XKR9: variants seen among roughly 807,000 people sequenced by gnomAD.
XKR9 encodes the protein XK related 9, also known as XK-related protein 9.
Under a neutral mutation model 32.0 loss-of-function variants are expected in XKR9, and 32 were observed. That is an observed-to-expected ratio of 1.00 (90% confidence interval 0.76 to 1.34). The LOEUF (loss-of-function observed/expected upper bound fraction) is 1.34, where lower values mean the gene tolerates loss of function less well. Ranked by LOEUF, XKR9 falls within the 40% of genes most tolerant of loss-of-function variation. The pLI, the probability that XKR9 is intolerant of heterozygous loss-of-function variation, is 0.00. For missense variants in XKR9, 546 were observed against 429.7 expected (o/e 1.27, Z -2.39); for synonymous variants, 168 against 143.4 (o/e 1.17, Z -1.22).
At chr8:70,915,722 A>C in the XKR9 span, among the ~76,000 whole-genome samples, 1 of 152,188 alleles carries the variant, frequency 6.6e-6, no homozygotes, top group Admixed American at 6.5e-5. Context: ...ATTTAAAGGA[A>C]ACTAAAATAT....
At chr8:70,677,552 G>A (rs1012009048) in intron 2 of XKR9, among the ~76,000 whole-genome samples, 3 of 152,138 alleles carry the variant, frequency 2.0e-5, no homozygotes, top group Non-Finnish European at 4.4e-5. Flanking sequence ...CAATAATAAT[G>A]TGTATTCTAT....
chr8:70,767,753 A>G (rs1433172453), intron 2 of XKR9, among the ~76,000 whole-genome samples: 2 of 151,774 alleles, frequency 1.3e-5, no homozygotes, highest in East Asian at 3.9e-4. Flanking sequence ...TGCCTGTTTC[A>G]GCCTCCCAAA....
At chr8:70,897,133 G>A in the XKR9 span, among the ~76,000 whole-genome samples, 1 of 152,076 alleles carries the variant, frequency 6.6e-6, no homozygotes, top group African/African-American at 2.4e-5. Flanking sequence ...GAGAACATGT[G>A]ATGTTTGTCT....
At chr8:70,782,157 C>A (rs1238675185) in intron 2 of XKR9, among the ~76,000 whole-genome samples, 1 of 152,150 alleles carries the variant, frequency 6.6e-6, no homozygotes, top group Admixed American at 6.6e-5. Flanking sequence ...TGTGAAGCAG[C>A]ACAGCTGCTA....
chr8:70,886,985 G>A, the XKR9 span, among the ~76,000 whole-genome samples: 2 of 152,036 alleles, frequency 1.3e-5, no homozygotes, highest in Admixed American at 6.6e-5. Flanking sequence ...TACCTAGTCA[G>A]CTCTCTTATT....
the XKR9 span, among the ~76,000 whole-genome samples, chr8:70,849,000 G>A: frequency 1.3e-5 from 2 of 152,126 alleles, no homozygotes; most frequent in East Asian, 3.9e-4. Context: ...CAATAATAAT[G>A]GGAAAGTTTA....
At chr8:70,727,215 C>T (rs1373227482) in intron 4 of XKR9, among the ~76,000 whole-genome samples, 2 of 151,818 alleles carry the variant, frequency 1.3e-5, no homozygotes, top group East Asian at 1.9e-4. Context: ...TTCTGGAAGT[C>T]CCTTTGTTTA....
chr8:70,898,706 T>A, the XKR9 span, among the ~76,000 whole-genome samples: 1 of 152,080 alleles, frequency 6.6e-6, no homozygotes, highest in Non-Finnish European at 1.5e-5. Flanking sequence ...TTTCTCTTTT[T>A]TAAAATGTGT....
chr8:71,061,014 A>G, the XKR9 span, among the ~76,000 whole-genome samples: 1 of 152,212 alleles, frequency 6.6e-6, no homozygotes, highest in Non-Finnish European at 1.5e-5. Context: ...AGCCTTTCAT[A>G]TGTGTTATCC....
At chr8:71,008,516 G>T in the XKR9 span, among the ~76,000 whole-genome samples, 1 of 152,150 alleles carries the variant, frequency 6.6e-6, no homozygotes, top group Non-Finnish European at 1.5e-5. Flanking sequence ...ATCTTCTCTG[G>T]GATCTTGTTA....
chr8:70,781,805 T>G (rs1219812977), intron 2 of XKR9, among the ~76,000 whole-genome samples: 1 of 152,156 alleles, frequency 6.6e-6, no homozygotes, highest in African/African-American at 2.4e-5. Context: ...TAGAACAAGC[T>G]TTCTCAAAAA....
At chr8:71,043,182 C>T in the XKR9 span, among the ~76,000 whole-genome samples, 1,090 of 152,228 alleles carry the variant, frequency 7.2e-3, 7 homozygotes, top group Non-Finnish European at 0.013. Flanking sequence ...CCCCCAGTGC[C>T]CTGACACTCT....
At chr8:70,690,130 G>A (rs1819459242) in intron 3 of XKR9, among the ~76,000 whole-genome samples, 1 of 151,936 alleles carries the variant, frequency 6.6e-6, no homozygotes, top group Non-Finnish European at 1.5e-5. Flanking sequence ...TAGGTTTAGG[G>A]GTACATGTGA....
At chr8:70,797,666 A>C in the XKR9 span, among the ~76,000 whole-genome samples, 1 of 151,920 alleles carries the variant, frequency 6.6e-6, no homozygotes, top group Non-Finnish European at 1.5e-5. Flanking sequence ...TTTCATTGGC[A>C]TAGTACCCAA....
the XKR9 span, among the ~76,000 whole-genome samples, chr8:70,917,032 T>C: frequency 6.6e-6 from 1 of 152,212 alleles, no homozygotes; most frequent in African/African-American, 2.4e-5. Flanking sequence ...CCATGAATCT[T>C]GCTCACTAGC....
At chr8:70,738,879 T>G (rs1164536578), downstream of XKR9, among the ~76,000 whole-genome samples, 1 of 152,194 alleles carries the variant, frequency 6.6e-6, no homozygotes, top group Non-Finnish European at 1.5e-5. Flanking sequence ...TGAGGAGAGC[T>G]TTACTTCCAA....
At chr8:70,792,980 A>G (rs984526233), downstream of XKR9, among the ~76,000 whole-genome samples, 1 of 152,066 alleles carries the variant, frequency 6.6e-6, no homozygotes, top group Non-Finnish European at 1.5e-5. Context: ...TAATTTTTAG[A>G]ATTTTTGTTT....
At chr8:70,945,899 G>T in the XKR9 span, among the ~76,000 whole-genome samples, 3 of 152,176 alleles carry the variant, frequency 2.0e-5, no homozygotes, top group Non-Finnish European at 4.4e-5. Flanking sequence ...CACTTTGTGC[G>T]GCCGAGGTGG....
chr8:70,957,513 C>G, the XKR9 span, among the ~76,000 whole-genome samples: 1 of 152,140 alleles, frequency 6.6e-6, no homozygotes, highest in Non-Finnish European at 1.5e-5. Flanking sequence ...ATTAACTATT[C>G]TTCCTGATGC....
Sources: allele counts gnomAD v4.1 joint callset (sites outside exome capture counted in the v4.1 genomes callset), GRCh38; gene constraint gnomAD v4.1.1; transcripts MANE v1.5; gene names NCBI Gene and HGNC (gene_info 2026-07-23, HGNC 2026-07-21).